SNX25: variants seen among roughly 807,000 people sequenced by gnomAD.
The protein encoded by SNX25 is sorting nexin-25.
Under a neutral mutation model 113.7 loss-of-function variants are expected in SNX25, and 62 were observed. The ratio of observed to expected loss-of-function variants is 0.55; its 90% confidence interval spans 0.44 to 0.67. SNX25 has a LOEUF of 0.67. Ranked by LOEUF, SNX25 falls within the 30% of genes least tolerant of loss-of-function variation. The pLI, the probability that SNX25 is intolerant of heterozygous loss-of-function variation, is 0.00. For synonymous variants in SNX25, 421 were observed against 436.2 expected (o/e 0.97, Z 0.43); for missense variants, 1,014 against 1,161.0 (o/e 0.87, Z 1.84).
chr4:185,218,311 C>T (rs1294845465), intron 1 of SNX25, among the ~76,000 whole-genome samples: 1 of 152,250 alleles, frequency 6.6e-6, no homozygotes, highest in Non-Finnish European at 1.5e-5. Context: ...TCTCGAACTC[C>T]TGACCTCAGG....
intron 7 of SNX25, among the ~76,000 whole-genome samples, chr4:185,315,060 C>G (rs550082809): frequency 6.6e-6 from 1 of 150,900 alleles, no homozygotes; most frequent in South Asian, 2.1e-4. Context: ...AACCCCGTCT[C>G]TACTAAAAAT....
intron 1 of SNX25, among the ~76,000 whole-genome samples, chr4:185,219,973 C>T (rs544863214): frequency 6.6e-5 from 10 of 150,656 alleles, no homozygotes; most frequent in Admixed American, 1.3e-4. Flanking sequence ...AAACTGCAAC[C>T]GCTAGATAGC....
At chr4:185,298,364 C>T (rs572870288) in intron 6 of SNX25, among the ~76,000 whole-genome samples, 1 of 152,288 alleles carries the variant, frequency 6.6e-6, no homozygotes, top group East Asian at 1.9e-4. Context: ...GTTCGGATTA[C>T]AGGCATGAGC....
At chr4:185,377,099 A>G in the SNX25 span, 1 of 990,162 alleles carries the variant, frequency 1.0e-6, no homozygotes, top group Non-Finnish European at 1.6e-6. Context: ...TATAAAATCC[A>G]TCTAACACTG....
At chr4:185,376,789 C>T in the SNX25 span, 7 of 667,910 alleles carry the variant, frequency 1.0e-5, no homozygotes, top group South Asian at 1.9e-5. Context: ...CAGCCATAGT[C>T]GATGTAATTG....
At chr4:185,344,678 T>G (rs547122050) in intron 12 of SNX25, among the ~76,000 whole-genome samples, 1 of 152,294 alleles carries the variant, frequency 6.6e-6, no homozygotes, top group African/African-American at 2.4e-5. Flanking sequence ...AAACACGGTT[T>G]GAAGCCACGC....
intron 7 of SNX25, among the ~76,000 whole-genome samples, chr4:185,311,528 C>T (rs1002215026): frequency 6.6e-6 from 1 of 152,208 alleles, no homozygotes; most frequent in African/African-American, 2.4e-5. Flanking sequence ...AAGGAAGCAG[C>T]CACGTGACCC....
chr4:185,239,312 T>C (rs1469530099), intron 1 of SNX25, among the ~76,000 whole-genome samples: 1 of 151,776 alleles, frequency 6.6e-6, no homozygotes, highest in Admixed American at 6.6e-5. Context: ...TGAAACTCCG[T>C]CTCTACTAAA....
chr4:185,258,454 G>A (rs1269977691), intron 2 of SNX25, among the ~76,000 whole-genome samples: 1 of 152,170 alleles, frequency 6.6e-6, no homozygotes, highest in Non-Finnish European at 1.5e-5. Context: ...GGTGTTTGCA[G>A]GGCCCAGCTC....
chr4:185,250,561 A>G (rs1745487649), intron 2 of SNX25, among the ~76,000 whole-genome samples: 1 of 152,220 alleles, frequency 6.6e-6, no homozygotes, highest in African/African-American at 2.4e-5. Context: ...CTGTACCTCT[A>G]AGACTGCAGT....
the SNX25 span, among the ~76,000 whole-genome samples, chr4:185,376,589 C>T: frequency 2.0e-5 from 3 of 151,810 alleles, no homozygotes; most frequent in Admixed American, 2.0e-4. Context: ...CCACCGCACC[C>T]GGCCTGATAA....
intron 13 of SNX25, among the ~76,000 whole-genome samples, chr4:185,347,185 G>T (rs2095291377): frequency 6.6e-6 from 1 of 152,204 alleles, no homozygotes; most frequent in Non-Finnish European, 1.5e-5. Flanking sequence ...TGAGCCTTTG[G>T]CTCCTTTCCA....
At chr4:185,273,748 T>C (rs1273929886) in intron 5 of SNX25, among the ~76,000 whole-genome samples, 1 of 152,168 alleles carries the variant, frequency 6.6e-6, no homozygotes, top group African/African-American at 2.4e-5. Context: ...AGATTCCACA[T>C]GTACGTGAGA....
rs369875773 is a variant in SNX25 at position 185,264,547 on chromosome 4, C to G, written c.841C>G (p.Pro281Ala). Reference protein sequence around the residue: ...CSRVLVFCLLPSKDVQSLSLR... With the variant: ...CSRVLVFCLLASKDVQSLSLR... Reference sequence around the variant, plus strand: ...TCGGGTTCTGGTGTTTTGTCTCCTCCCCTCAAAGGATGTGCAGTCTCTCAG... The same window carrying G: ...TCGGGTTCTGGTGTTTTGTCTCCTCGCCTCAAAGGATGTGCAGTCTCTCAG... Residue 281 changes from proline to alanine, a missense_variant, in exon 4 of 19, where the codon CCC becomes GCC. Transcript: ENST00000652585. 490 of 1,613,974 alleles carry G rather than the reference C, an allele frequency of 3.0e-4. No homozygotes were observed. Among genetic ancestry groups the G allele is most frequent in the Non-Finnish European group, 3.9e-4 (462 of 1,179,928 alleles).
chr4:185,249,123 T>C (rs762494316), intron 2 of SNX25, among the ~76,000 whole-genome samples: 42 of 152,336 alleles, frequency 2.8e-4, no homozygotes, highest in Admixed American at 5.9e-4. Flanking sequence ...TATCAACAGA[T>C]ATTTCAGTGG....
chr4:185,365,003 AGTGTGTGTGTGTGTAT>A (rs1476530930), downstream of SNX25: 10 of 140,122 alleles, frequency 7.1e-5, no homozygotes, highest in Admixed American at 6.3e-4. Flanking sequence ...TTAGAGAAGG[AGTGTGTGTGTGTGTAT>A]GTGTGTGTGT....
At position 185,363,419 on chromosome 4, in the gene SNX25, C is replaced by G; in HGVS notation, c.2969C>G (p.Pro990Arg). The change falls in exon 19 of 19, where the codon CCT becomes CGT. Residue 990 changes from proline (P) to arginine (R), a missense_variant. Transcript: ENST00000652585. This position sits in a 1 kb window ranked among gnomAD's most constrained non-coding sequence, Gnocchi z 4.2. ...GAACTGCTGCTAATTGAACTGTGTC[C>G]TGAGCTGAGAGTTCATTTAGATCAA... ...LMELLLIELC[P>R]ELRVHLDQLK... 2 of 1,614,008 alleles carry G rather than the reference C, an allele frequency of 1.2e-6. No individual in the cohort carries two copies. The highest frequency in any genetic ancestry group is 1.7e-6 in the Non-Finnish European group (2 of 1,179,996).
Position 185,210,400 on chromosome 4 carries a change from C to G in SNX25, c.429+145C>G. 2 of 841,230 alleles carry G rather than the reference C, an allele frequency of 2.4e-6. No homozygotes were observed. Among genetic ancestry groups the G allele is most frequent in the Non-Finnish European group, 2.9e-6 (2 of 698,890 alleles). The allele number at this position is 841,230 out of a possible 1,614,324, so 52.1% of individuals were successfully genotyped here. A position where few individuals can be genotyped will look rare whatever the true frequency, so the allele number is the denominator to read the frequency against. On this transcript the variant is annotated intron_variant, in intron 1 of 18. Transcript: ENST00000652585. This position sits in a 1 kb window ranked among gnomAD's most constrained non-coding sequence, Gnocchi z 4.4. ...CCAGGGGGCTGGGCTGCGGGCCCGGCCGTGGACGCGAGCGTTCCCCGGCGC... is the reference window on the plus strand; with the variant it reads ...CCAGGGGGCTGGGCTGCGGGCCCGGGCGTGGACGCGAGCGTTCCCCGGCGC...
intron 1 of SNX25, among the ~76,000 whole-genome samples, chr4:185,214,075 T>TC (rs1373883530): frequency 6.6e-6 from 1 of 151,890 alleles, no homozygotes; most frequent in African/African-American, 2.4e-5. Context: ...TTCCCCCAGT[T>TC]CCCCACTTCC....
Sources: allele counts gnomAD v4.1 joint callset (sites outside exome capture counted in the v4.1 genomes callset), GRCh38; gene constraint gnomAD v4.1.1; non-coding constraint Gnocchi (gnomAD v3.1); transcripts MANE v1.5; gene names NCBI Gene and HGNC (gene_info 2026-07-23, HGNC 2026-07-21).